The following PPP1R14C variants were observed in gnomAD, a reference collection of about 807,000 sequenced individuals.
PPP1R14C encodes protein phosphatase 1 regulatory inhibitor subunit 14C.
A neutral mutation model predicts 20.4 loss-of-function variants in PPP1R14C; 16 were observed. The ratio of observed to expected loss-of-function variants is 0.78; its 90% CI spans 0.53 to 1.19. The LOEUF (loss-of-function observed/expected upper bound fraction) is 1.19. Ranked by LOEUF, PPP1R14C falls within the 50% of genes most tolerant of loss-of-function variation. The pLI is 0.00. For missense variants in PPP1R14C, 211 were observed against 220.1 expected (o/e 0.96, Z 0.26); for synonymous variants, 91 against 91.0 (o/e 1.00, Z 0.00).
At chr6:150,208,246 GT>G (rs1777978780) in intron 1 of PPP1R14C, among the ~76,000 whole-genome samples, 1 of 151,966 alleles carries the variant, frequency 6.6e-6, no homozygotes, top group Non-Finnish European at 1.5e-5. Flanking sequence ...GGTGGAAATG[GT>G]TTCCTCTCGG....
chr6:150,216,802 T>C (rs368738969), intron 2 of PPP1R14C, 22 bp from the exon 3 acceptor site: 22 of 1,545,242 alleles, frequency 1.4e-5, no homozygotes, highest in African/African-American at 2.8e-5. Context: ...ATAAAACTGA[T>C]TTTCTGTGTG....
At chr6:150,184,928 G>A (rs946718435) in intron 1 of PPP1R14C, among the ~76,000 whole-genome samples, 1 of 152,174 alleles carries the variant, frequency 6.6e-6, no homozygotes, top group Non-Finnish European at 1.5e-5. Flanking sequence ...TGAAGTTATG[G>A]CTTTATTCAT....
At chr6:150,230,863 TGCCAACGG>T (rs138398900) in intron 3 of PPP1R14C, among the ~76,000 whole-genome samples, 8,917 of 152,292 alleles carry the variant, frequency 0.059, 331 homozygotes, top group African/African-American at 0.087. Flanking sequence ...TTTTCCTACT[TGCCAACGG>T]GCCCATCTTT....
chr6:150,221,382 C>T (rs1296626532), intron 3 of PPP1R14C, among the ~76,000 whole-genome samples: 1 of 152,236 alleles, frequency 6.6e-6, no homozygotes, highest in African/African-American at 2.4e-5. Context: ...TCCTAAGCTA[C>T]TTGACTCAGC....
At chr6:150,163,074 T>C (rs1777387705) in intron 1 of PPP1R14C, among the ~76,000 whole-genome samples, 3 of 152,100 alleles carry the variant, frequency 2.0e-5, no homozygotes, top group Non-Finnish European at 4.4e-5. Context: ...GGTAAAGACA[T>C]GAATGAGAGT....
At chr6:150,157,340 C>G (rs1777316569) in intron 1 of PPP1R14C, among the ~76,000 whole-genome samples, 1 of 152,146 alleles carries the variant, frequency 6.6e-6, no homozygotes, top group African/African-American at 2.4e-5. Context: ...GAATGTCTTC[C>G]TAACTCTAGC....
chr6:150,178,313 C>A (rs954239094), intron 1 of PPP1R14C, among the ~76,000 whole-genome samples: 1 of 152,138 alleles, frequency 6.6e-6, no homozygotes, highest in Non-Finnish European at 1.5e-5. Flanking sequence ...TGGAGGAAAC[C>A]CTGAATGCAG....
At chr6:150,145,915 T>C (rs894883614) in intron 1 of PPP1R14C, among the ~76,000 whole-genome samples, 1 of 152,228 alleles carries the variant, frequency 6.6e-6, no homozygotes, top group Non-Finnish European at 1.5e-5. Context: ...AGGAATCAGA[T>C]GACTTGACCT....
At chr6:150,180,073 G>A (rs980828616) in intron 1 of PPP1R14C, among the ~76,000 whole-genome samples, 1 of 152,170 alleles carries the variant, frequency 6.6e-6, no homozygotes, top group African/African-American at 2.4e-5. Context: ...GTGGTGGCAT[G>A]TGCCTGTAAT....
intron 1 of PPP1R14C, among the ~76,000 whole-genome samples, chr6:150,212,456 A>C (rs1371625541): frequency 6.6e-6 from 1 of 151,698 alleles, no homozygotes; most frequent in Non-Finnish European, 1.5e-5. Context: ...GAGGCTCTAC[A>C]CTGCTATGCA....
intron 3 of PPP1R14C, among the ~76,000 whole-genome samples, chr6:150,224,258 T>A (rs935418389): frequency 2.6e-5 from 4 of 152,234 alleles, no homozygotes; most frequent in African/African-American, 9.6e-5. Context: ...GCTTCAAGTA[T>A]GTCTTGAGGT....
intron 3 of PPP1R14C, among the ~76,000 whole-genome samples, chr6:150,218,484 C>A (rs929010907): frequency 1.3e-4 from 15 of 118,466 alleles, no homozygotes; most frequent in African/African-American, 3.6e-4. Flanking sequence ...ACCCCCCCCC[C>A]CAAAAAAAAA....
chr6:150,148,991 G>A (rs1362750842), intron 1 of PPP1R14C, among the ~76,000 whole-genome samples: 3 of 152,088 alleles, frequency 2.0e-5, no homozygotes, highest in Admixed American at 6.5e-5. Flanking sequence ...CTGAGCCCGG[G>A]GAGGTTAAGG....
chr6:150,244,120 T>G (rs1055533548), intron 3 of PPP1R14C, among the ~76,000 whole-genome samples: 1 of 151,442 alleles, frequency 6.6e-6, no homozygotes, highest in African/African-American at 2.4e-5. Flanking sequence ...TTGTCTGCCT[T>G]AAATACGTTC....
chr6:150,190,933 A>T (rs1293193267), intron 1 of PPP1R14C, among the ~76,000 whole-genome samples: 1 of 152,120 alleles, frequency 6.6e-6, no homozygotes, highest in East Asian at 1.9e-4. Context: ...TATAAGTCAA[A>T]TGGTGTACAG....
chr6:150,161,379 A>G (rs1482187759), intron 1 of PPP1R14C, among the ~76,000 whole-genome samples: 3 of 152,216 alleles, frequency 2.0e-5, no homozygotes, highest in African/African-American at 7.2e-5. Flanking sequence ...GATCTCTCAC[A>G]TGACAGCAAG....
intron 2 of PPP1R14C, among the ~76,000 whole-genome samples, chr6:150,216,233 C>T (rs190438609): frequency 2.9e-4 from 44 of 152,306 alleles, no homozygotes; most frequent in Admixed American, 1.0e-3. Context: ...TGGTAGCTCA[C>T]GCCTGTAATC....
At chr6:150,243,206 C>T (rs186379711) in intron 3 of PPP1R14C, among the ~76,000 whole-genome samples, 4 of 142,710 alleles carry the variant, frequency 2.8e-5, no homozygotes, top group South Asian at 2.3e-4. Context: ...GATGGAGTCT[C>T]ACTCTGTCAC....
chr6:150,158,993 C>A (rs367823214), intron 1 of PPP1R14C, among the ~76,000 whole-genome samples: 1 of 152,204 alleles, frequency 6.6e-6, no homozygotes, highest in African/African-American at 2.4e-5. Flanking sequence ...CTTTGGAAGA[C>A]TCCTTTGGTG....
Sources: allele counts gnomAD v4.1 joint callset (sites outside exome capture counted in the v4.1 genomes callset), GRCh38; gene constraint gnomAD v4.1.1; transcripts MANE v1.5; gene names NCBI Gene and HGNC (gene_info 2026-07-23, HGNC 2026-07-21).